CLIP2: variants seen among roughly 807,000 people sequenced by gnomAD.
CLIP2 encodes the protein CAP-Gly domain containing linker protein 2.
CLIP2 carries 41 observed loss-of-function variants against 111.7 expected under a neutral mutation model. That is an observed-to-expected ratio of 0.37 (90% CI 0.29 to 0.48). The LOEUF (loss-of-function observed/expected upper bound fraction) is 0.48, where lower values mean the gene tolerates loss of function less well. CLIP2 is among the 20% of genes least tolerant of loss of function. CLIP2 has a pLI of 0.99. For synonymous variants in CLIP2, 660 were observed against 644.2 expected (o/e 1.02, Z -0.37); for missense variants, 1,160 against 1,422.1 (o/e 0.82, Z 2.96).
At chr7:74,382,077 T>A (rs1790959491) in intron 11 of CLIP2, among the ~76,000 whole-genome samples, 1 of 135,998 alleles carries the variant, frequency 7.4e-6, no homozygotes, top group Non-Finnish European at 1.6e-5. Context: ...AGTTAAGAGG[T>A]ATTTCTATTT....
At chr7:74,390,745 GGGT>G (rs375109970) in intron 13 of CLIP2, among the ~76,000 whole-genome samples, 5 of 113,286 alleles carry the variant, frequency 4.4e-5, no homozygotes, top group African/African-American at 1.4e-4. Context: ...TTTTCTGGCG[GGGT>G]GGGGGGGGTG....
chr7:74,302,078 CTGG>C lies in CLIP2; in HGVS notation c.-68+12349_-68+12351del, dbSNP rs1452453723. 3.9e-5 allele frequency among the ~76,000 whole-genome samples: 6 copies of C among 152,030 alleles called. No individual in the cohort carries two copies. In the East Asian group the frequency reaches 1.2e-3, roughly 29 times the overall value. Reference sequence around the variant, plus strand: ...TTCAGCGTTGGACCTTTTTTTGTGGCTGGTGGTTCTGAGCATGCCAACTCTGTG... The same window carrying C: ...TTCAGCGTTGGACCTTTTTTTGTGGCTGGTTCTGAGCATGCCAACTCTGTG... On this transcript the variant is annotated intron_variant, in intron 1 of 16. Coordinates refer to ENST00000223398, the MANE Select transcript of CLIP2 (RefSeq NM_003388.5).
chr7:74,347,431 G>A (rs1789828548), intron 3 of CLIP2, among the ~76,000 whole-genome samples: 1 of 152,216 alleles, frequency 6.6e-6, no homozygotes, highest in South Asian at 2.1e-4. Context: ...ACCACGCCTG[G>A]CTAATTTTTT....
In CLIP2 at chr7:74,404,391, A is replaced by G. The variant is rs1364493835; in HGVS notation, c.*543A>G. On this transcript the variant is annotated 3_prime_UTR_variant, in exon 17 of 17. Coordinates refer to ENST00000223398, the MANE Select transcript of CLIP2 (RefSeq NM_003388.5). Reference sequence around the variant, plus strand: ...AGGGCTTCTTGTCCCCACCTTCTGAACCTTCTTCAAACAGTAGTACAAGCT... The same window carrying G: ...AGGGCTTCTTGTCCCCACCTTCTGAGCCTTCTTCAAACAGTAGTACAAGCT... 2 of 159,200 alleles carry G rather than the reference A, an allele frequency of 1.3e-5. No homozygotes were observed. The highest frequency in any genetic ancestry group is 2.8e-5 in the Non-Finnish European group (2 of 71,942). The allele number at this position is 159,200 out of a possible 1,614,324, so 9.9% of individuals were successfully genotyped here.
At chr7:74,324,741 A>T (rs1789065384) in intron 2 of CLIP2, among the ~76,000 whole-genome samples, 1 of 146,648 alleles carries the variant, frequency 6.8e-6, no homozygotes, top group Admixed American at 7.0e-5. Flanking sequence ...AGCAAAACCG[A>T]GTTGGCTGAG....
intron 1 of CLIP2, among the ~76,000 whole-genome samples, chr7:74,310,659 A>C (rs1008740472): frequency 6.6e-6 from 1 of 152,042 alleles, no homozygotes; most frequent in African/African-American, 2.4e-5. Flanking sequence ...TTCTATGGAC[A>C]CATATTTTTG....
At chr7:74,360,596 G>A (rs1562709538) in intron 7 of CLIP2, among the ~76,000 whole-genome samples, 1 of 152,092 alleles carries the variant, frequency 6.6e-6, no homozygotes, top group Non-Finnish European at 1.5e-5. Flanking sequence ...TGTCACCCAG[G>A]CTGGAGTACA....
At chr7:74,385,691 A>T (rs947738181) in intron 11 of CLIP2, among the ~76,000 whole-genome samples, 3 of 149,206 alleles carry the variant, frequency 2.0e-5, no homozygotes, top group Admixed American at 6.7e-5. Context: ...ACTTGAGGGG[A>T]CTAAGGCTGT....
intron 3 of CLIP2, among the ~76,000 whole-genome samples, chr7:74,353,277 G>A (rs776583318): frequency 4.1e-5 from 6 of 147,176 alleles, no homozygotes; most frequent in Non-Finnish European, 8.9e-5. Flanking sequence ...TTGACTCAGA[G>A]TCTCGCCCTG....
At chr7:74,402,113 G>A (rs941685777) in intron 16 of CLIP2, among the ~76,000 whole-genome samples, 2 of 151,998 alleles carry the variant, frequency 1.3e-5, no homozygotes, top group Admixed American at 6.6e-5. Flanking sequence ...GGATCACAAG[G>A]TCAGGAGATC....
rs140678809 is a variant in CLIP2, at chr7:74,308,489, C to T, written c.-67-8991C>T. Among the ~76,000 whole-genome samples, 1,267 of 152,154 alleles carry T rather than the reference C, an allele frequency of 8.3e-3. 18 individuals carry two copies. The highest frequency in any genetic ancestry group is 0.029 in the African/African-American group (1,208 of 41,522). ...TATCATTCATTCATTCATTCATAAT[C>T]TAGTTTGTTTATTTATTTATATTTA... On this transcript the variant is annotated intron_variant, in intron 1 of 16. Transcript: ENST00000223398.
intron 3 of CLIP2, among the ~76,000 whole-genome samples, chr7:74,352,030 G>A (rs1790018635): frequency 6.6e-6 from 1 of 152,180 alleles, no homozygotes; most frequent in African/African-American, 2.4e-5. Flanking sequence ...TGGGTCCCGG[G>A]AGAGACATCT....
At chr7:74,401,672 A>G (rs782768291) in intron 16 of CLIP2, 105 bp downstream of exon 16, 12 of 1,209,894 alleles carry the variant, frequency 9.9e-6, no homozygotes, top group Non-Finnish European at 1.4e-5. Context: ...GCATTCTGCA[A>G]GAAGCTTTAC....
chr7:74,363,979 C>T (rs772372413), intron 7 of CLIP2, among the ~76,000 whole-genome samples: 104 of 152,046 alleles, frequency 6.8e-4, no homozygotes, highest in Non-Finnish European at 1.0e-3. Context: ...CTCACATCCC[C>T]GGGCCACCCT....
At chr7:74,302,227 T>A (rs924064062) in intron 1 of CLIP2, among the ~76,000 whole-genome samples, 1 of 151,966 alleles carries the variant, frequency 6.6e-6, no homozygotes, top group Non-Finnish European at 1.5e-5. Flanking sequence ...ATTTTAAAAA[T>A]TTTTTTGAAA....
Position 74,354,145 on chromosome 7 carries a change from T to C in CLIP2, c.803+141T>C, listed in dbSNP as rs541820479. 119 of 1,062,706 alleles carry C rather than the reference T, an allele frequency of 1.1e-4. No individual in the cohort carries two copies. The South Asian group carries it at 1.8e-3, about 16-fold the overall frequency. 65.8% of individuals were successfully genotyped at this position (1,062,706 alleles called of 1,614,324 possible). ...CATAAGTCCTTTCCCATTCCCTCCTTCCCAACAGCCCACTAAGCTGGGTAG... is the reference window on the plus strand; with the variant it reads ...CATAAGTCCTTTCCCATTCCCTCCTCCCCAACAGCCCACTAAGCTGGGTAG... On this transcript the variant is annotated intron_variant, in intron 4 of 16. Coordinates refer to ENST00000223398, the MANE Select transcript of CLIP2 (RefSeq NM_003388.5).
At chr7:74,382,768 C>A (rs1452143013) in intron 11 of CLIP2, among the ~76,000 whole-genome samples, 8 of 151,644 alleles carry the variant, frequency 5.3e-5, no homozygotes, top group African/African-American at 1.7e-4. Context: ...TGGTGTTGGC[C>A]ATGCAGATAT....
At chr7:74,384,793 G>T (rs1791041366) in intron 11 of CLIP2, among the ~76,000 whole-genome samples, 1 of 151,600 alleles carries the variant, frequency 6.6e-6, no homozygotes, top group African/African-American at 2.4e-5. Flanking sequence ...CAAACTCTTG[G>T]GTATTCTTGC....
At chr7:74,329,773 C>CTATTTATTTATT (rs10648002) in intron 2 of CLIP2, among the ~76,000 whole-genome samples, 2 of 149,990 alleles carry the variant, frequency 1.3e-5, no homozygotes, top group African/African-American at 2.4e-5. Flanking sequence ...TTTTATTTAT[C>CTATTTATTTATT]TATTTATTTA....
Sources: gnomAD v4.1 joint callset for allele counts (sites outside exome capture counted in the v4.1 genomes callset) on GRCh38, gnomAD v4.1.1 for gene constraint, MANE v1.5 for transcripts, NCBI Gene and HGNC (gene_info 2026-07-23, HGNC 2026-07-21) for gene names.